CROCC2: variants seen among roughly 807,000 people sequenced by gnomAD.
The protein encoded by CROCC2 is ciliary rootlet coiled-coil protein 2.
A neutral mutation model predicts 177.6 loss-of-function variants in CROCC2; 163 were observed. The observed-to-expected ratio is 0.92, with a 90% CI of 0.81 to 1.05. CROCC2 has a LOEUF of 1.05. CROCC2 is among the 50% of genes least tolerant of loss of function. The probability of loss-of-function intolerance (pLI) is 0.00; values close to 1 mark genes in which losing one functional copy is unlikely to be tolerated. For missense variants in CROCC2, 1,929 were observed against 1,797.8 expected (o/e 1.07, Z -1.32); for synonymous variants, 904 against 787.3 (o/e 1.15, Z -2.48).
rs944854215 is a variant in CROCC2 at position 240,933,870 on chromosome 2, G to A, written c.1646+18G>A. On this transcript the variant is annotated intron_variant, in intron 11 of 31. Transcript: ENST00000690015. ...GAGACCAGGTGCGCGGCCGTGGCTG[G>A]GTGGGCAGGGCCCCTCCCACAGAAG... 6.5e-7 allele frequency: 1 copy of A among 1,537,892 alleles called. No individual in the cohort carries two copies. Among genetic ancestry groups the A allele is most frequent in the African/African-American group, 1.4e-5 (1 of 72,808 alleles).
chr2:240,974,444 C>T (rs564699271), intron 27 of CROCC2, among the ~76,000 whole-genome samples: 40 of 150,878 alleles, frequency 2.7e-4, no homozygotes, highest in Non-Finnish European at 5.0e-4. Context: ...TGGGCTCAAG[C>T]GATCCTCCCA....
At chr2:240,906,724 G>A (rs1002135405) in intron 1 of CROCC2, 133 bp downstream of exon 1, 20 of 397,228 alleles carry the variant, frequency 5.0e-5, no homozygotes, top group South Asian at 1.4e-4. Flanking sequence ...ACTTGCTCAC[G>A]TGTTTGCCTT....
intron 27 of CROCC2, chr2:240,981,877 C>G (rs1014251268): frequency 1.3e-5 from 2 of 152,108 alleles, no homozygotes; most frequent in African/African-American, 4.8e-5. Context: ...TTGCAGTCAA[C>G]AAGCTTCCAA....
intron 2 of CROCC2, 89 bp from the exon 3 acceptor site, chr2:240,919,894 G>GGGGCCC: frequency 1.8e-6 from 1 of 557,506 alleles, no homozygotes; most frequent in Non-Finnish European, 3.3e-6. Flanking sequence ...CTGGTGGCCA[G>GGGGCCC]CCCAGGGTCC....
Position 240,983,440 on chromosome 2 carries a change from G to A in CROCC2, c.4551+411G>A, listed in dbSNP as rs1413759347. The A allele has an allele frequency of 7.9e-6, 10 of 1,267,112 alleles. No individual in the cohort carries two copies. In the South Asian group the frequency reaches 1.0e-4, roughly 13 times the overall value. 78.5% of individuals were successfully genotyped at this position (1,267,112 alleles called of 1,614,324 possible). On this transcript the variant is annotated intron_variant, in intron 28 of 31. Coordinates refer to ENST00000690015, the MANE Select transcript of CROCC2 (RefSeq NM_001351305.2). ...CTTCGGCCCAGGTGCTCTGCAGGCC[G>A]CAGAGGCTCAGCGGCGGGCAGGAGG...
intron 2 of CROCC2, 92 bp from the exon 3 acceptor site, chr2:240,919,891 C>T (rs1312096435): frequency 3.9e-6 from 2 of 517,502 alleles, no homozygotes; most frequent in African/African-American, 2.0e-5. Context: ...AGCCTGGTGG[C>T]CAGCCCAGGG....
chr2:240,948,109 G>T (rs1002404492), intron 15 of CROCC2, among the ~76,000 whole-genome samples: 2 of 152,170 alleles, frequency 1.3e-5, no homozygotes, highest in Non-Finnish European at 2.9e-5. Flanking sequence ...AGAGCTGCCA[G>T]GTGAAGAGAG....
chr2:240,966,053 CCTCT>C, intron 24 of CROCC2, 60 bp downstream of exon 24: 1 of 1,303,768 alleles, frequency 7.7e-7, no homozygotes. Context: ...TGGCCTGGCA[CCTCT>C]CTTTCAGGCC....
intron 20 of CROCC2, among the ~76,000 whole-genome samples, chr2:240,962,351 A>G: frequency 6.6e-6 from 1 of 152,038 alleles, no homozygotes; most frequent in South Asian, 2.1e-4. Context: ...GCTTGTTTTC[A>G]TCTCCTCTGC....
intron 27 of CROCC2, among the ~76,000 whole-genome samples, chr2:240,974,151 C>A (rs999717577): frequency 6.6e-6 from 1 of 152,118 alleles, no homozygotes; most frequent in African/African-American, 2.4e-5. Flanking sequence ...CGTAGTTGTA[C>A]CTTATTTACA....
chr2:240,940,627 CG>C (rs1413166730), intron 14 of CROCC2, among the ~76,000 whole-genome samples: 6 of 127,066 alleles, frequency 4.7e-5, no homozygotes, highest in South Asian at 5.3e-4. Flanking sequence ...GCAGAAAAAG[CG>C]TTTGACAAAA....
intron 27 of CROCC2, among the ~76,000 whole-genome samples, chr2:240,980,044 T>G (rs376480777): frequency 7.2e-3 from 267 of 36,856 alleles, no homozygotes; most frequent in East Asian, 0.016. Context: ...AGCCTCAGGA[T>G]CCCAGGCTCA....
Position 240,946,076 on chromosome 2 carries a change from A to G in CROCC2, c.2186A>G (p.Gln729Arg), listed in dbSNP as rs543399387. 3.1e-5 allele frequency: 47 copies of G among 1,517,626 alleles called. No homozygotes were observed. In the South Asian group the frequency reaches 5.3e-4, roughly 17 times the overall value. 94.0% of individuals were successfully genotyped at this position (1,517,626 alleles called of 1,614,324 possible). The change falls in exon 15 of 32, where the codon CAG becomes CGG. Residue 729 changes from glutamine to arginine, a missense_variant. Gln to Arg is a conservative substitution (Grantham distance 43). Around this residue, in one of 3 missense-constraint regions of CROCC2, gnomAD observed 1,397 missense variants for 1,239.9 expected, o/e 1.13. Coordinates refer to ENST00000690015, the MANE Select transcript of CROCC2 (RefSeq NM_001351305.2). ...EQVGQVTCQK[Q>R]ALEEQLAQSL... ...CTCCCCTAGGTCACATGCCAGAAAC[A>G]GGCCCTGGAGGAGCAGCTGGCTCAG...
Position 240,968,234 on chromosome 2 carries a change from C to T in CROCC2, c.4373C>T (p.Ala1458Val), listed in dbSNP as rs946770189. 1.3e-5 allele frequency: 20 copies of T among 1,532,454 alleles called. No homozygotes were observed. The highest frequency in any genetic ancestry group is 1.1e-4 in the South Asian group (9 of 83,806). The allele number at this position is 1,532,454 out of a possible 1,614,324, so 94.9% of individuals were successfully genotyped here. Residue 1458 changes from alanine to valine, a missense_variant, in exon 27 of 32, where the codon GCG becomes GTG. Transcript: ENST00000690015. ...LELEHLASVR[A>V]AGQEKRRLQE... ...TTGGAGCACCTGGCGAGCGTGCGTG[C>T]GGCAGGCCAGGAGAAGCGGCGGCTG... is the stretch of plus-strand genomic sequence containing the variant.
At position 240,982,095 on chromosome 2, in the gene CROCC2, GTGATCGAAGGGAT is replaced by G. The variant is rs1479208907; in HGVS notation, c.4402-784_4402-772del. Reference sequence around the variant, plus strand: ...TGTGCACAGAGGGCAGCAGGTGCACGTGATCGAAGGGATGGCGAGTTCCCCGGGCAGTGTCCTG... The same window carrying G: ...TGTGCACAGAGGGCAGCAGGTGCACGGGCGAGTTCCCCGGGCAGTGTCCTG... On this transcript the variant is annotated intron_variant, in intron 27 of 31. Coordinates refer to ENST00000690015, the MANE Select transcript of CROCC2 (RefSeq NM_001351305.2). The surrounding 1 kb of genome is among the most constrained non-coding windows in gnomAD (Gnocchi z 4.7). The G allele has an allele frequency of 1.3e-5, 2 of 152,200 alleles. No individual in the cohort carries two copies. Among genetic ancestry groups the G allele is most frequent in the African/African-American group, 4.8e-5 (2 of 41,370 alleles). 9.4% of individuals were successfully genotyped at this position (152,200 alleles called of 1,614,324 possible).
At chr2:240,911,953 G>C (rs1053610758) in intron 1 of CROCC2, among the ~76,000 whole-genome samples, 2 of 152,120 alleles carry the variant, frequency 1.3e-5, no homozygotes. Flanking sequence ...TGTGAACCTC[G>C]GAGTACAAAT....
intron 28 of CROCC2, chr2:240,983,540 CA>C (rs1398151922): frequency 7.9e-7 from 1 of 1,272,090 alleles, no homozygotes; most frequent in Non-Finnish European, 1.0e-6. Flanking sequence ...GGCGCGTCTG[CA>C]GGGGGAGCTC....
chr2:240,914,008 C>T (rs1157429623), intron 1 of CROCC2, among the ~76,000 whole-genome samples: 2 of 152,260 alleles, frequency 1.3e-5, no homozygotes, highest in South Asian at 2.1e-4. Context: ...CCATGGAGGG[C>T]CCGGGAGAGA....
chr2:240,993,234 G>C lies in CROCC2; in HGVS notation c.*153G>C. On this transcript the variant is annotated 3_prime_UTR_variant, in exon 32 of 32. Coordinates refer to ENST00000690015, the MANE Select transcript of CROCC2 (RefSeq NM_001351305.2). ...GCAGTTTCAGGACCCTCCTTGCCCTGGCTGCTCATGGGGAACATTTGAAAT... is the reference window on the plus strand; with the variant it reads ...GCAGTTTCAGGACCCTCCTTGCCCTCGCTGCTCATGGGGAACATTTGAAAT... 1.7e-6 allele frequency: 1 copy of C among 576,888 alleles called. No individual in the cohort carries two copies. The highest frequency in any genetic ancestry group is 2.9e-5 in the East Asian group (1 of 33,960). 35.7% of individuals were successfully genotyped at this position (576,888 alleles called of 1,614,324 possible).
Sources: gnomAD v4.1 joint callset for allele counts (sites outside exome capture counted in the v4.1 genomes callset) on GRCh38, gnomAD v4.1.1 for gene constraint, gnomAD v4.1.1 regional missense constraint, Gnocchi (gnomAD v3.1) non-coding constraint, MANE v1.5 for transcripts, NCBI Gene and HGNC (gene_info 2026-07-23, HGNC 2026-07-21) for gene names.